Variants in SNX7 observed in about 807,000 individuals in gnomAD.
The protein encoded by SNX7 is sorting nexin 7, also known as sorting nexin-7.
Under a neutral mutation model 48.4 loss-of-function variants are expected in SNX7, and 35 were observed. The ratio of observed to expected loss-of-function variants is 0.72; its 90% CI spans 0.55 to 0.96. SNX7 has a LOEUF of 0.96. Ranked by LOEUF, SNX7 falls within the 40% of genes least tolerant of loss-of-function variation. The probability of loss-of-function intolerance (pLI) is 0.00; values close to 1 mark genes in which losing one functional copy is unlikely to be tolerated. For missense variants in SNX7, 553 were observed against 548.9 expected, an observed-to-expected ratio of 1.01 and a Z score of -0.07; for synonymous variants, 190 against 190.2, an observed-to-expected ratio of 1.00 and a Z score of 0.01.
intron 7 of SNX7, among the ~76,000 whole-genome samples, chr1:98,735,366 T>G (rs547302333): frequency 8.5e-5 from 13 of 152,254 alleles, no homozygotes; most frequent in African/African-American, 3.1e-4. Flanking sequence ...AATACCTAAT[T>G]TTTTTACCTT....
chr1:98,688,944 AC>A (rs1380327564), intron 2 of SNX7, among the ~76,000 whole-genome samples: 1 of 151,982 alleles, frequency 6.6e-6, no homozygotes, highest in Non-Finnish European at 1.5e-5. Flanking sequence ...TCGCTCTGTC[AC>A]CCAGGGTAGA....
At chr1:98,705,089 A>G (rs1157366501) in intron 7 of SNX7, among the ~76,000 whole-genome samples, 1 of 152,182 alleles carries the variant, frequency 6.6e-6, no homozygotes, top group Admixed American at 6.5e-5. Flanking sequence ...ATATACCCAC[A>G]AAAGGTATGT....
rs76841712 is a variant in SNX7 at position 98,671,746 on chromosome 1, T to C, written c.180+9835T>C. Among the ~76,000 whole-genome samples the C allele has an allele frequency of 7.5e-3, 1,140 of 152,286 alleles. 28 individuals carry two copies. Among genetic ancestry groups the C allele is most frequent in the East Asian group, 0.051 (266 of 5,180 alleles). ...CACTCATCTAAATTTTCTGTTTATA[T>C]AAATTTGTCTTTTTAGGTAATTTCA... On this transcript the variant is annotated intron_variant, in intron 1 of 8. Transcript: ENST00000306121.
chr1:98,709,760 G>C (rs1278461080), intron 7 of SNX7, among the ~76,000 whole-genome samples: 1 of 151,982 alleles, frequency 6.6e-6, no homozygotes, highest in African/African-American at 2.4e-5. Context: ...AGACTATTGA[G>C]AGCCCCAATT....
intron 5 of SNX7, 48 bp downstream of exon 5, chr1:98,695,764 T>A (rs1000727963): frequency 7.7e-7 from 1 of 1,303,024 alleles, no homozygotes; most frequent in East Asian, 2.3e-5. Context: ...CAGTTTCTGA[T>A]GAATCTTCAC....
intron 1 of SNX7, among the ~76,000 whole-genome samples, chr1:98,666,792 T>C (rs1208876790): frequency 6.6e-6 from 1 of 152,202 alleles, no homozygotes; most frequent in East Asian, 1.9e-4. Flanking sequence ...TGAAAGGGAA[T>C]GTAGGTTTCG....
At chr1:98,736,344 C>T (rs139865424) in intron 7 of SNX7, among the ~76,000 whole-genome samples, 3 of 152,264 alleles carry the variant, frequency 2.0e-5, no homozygotes, top group African/African-American at 7.2e-5. Context: ...CTGCAAATGG[C>T]AGGATTCCAT....
chr1:98,697,686 C>T (rs1309201908), intron 5 of SNX7, among the ~76,000 whole-genome samples: 1 of 152,070 alleles, frequency 6.6e-6, no homozygotes, highest in African/African-American at 2.4e-5. Context: ...TAATAAGACT[C>T]AGTCCCTGTT....
chr1:98,694,417 G>A (rs970014163), intron 4 of SNX7, among the ~76,000 whole-genome samples: 2 of 151,114 alleles, frequency 1.3e-5, no homozygotes, highest in Admixed American at 6.6e-5. Flanking sequence ...GCCAGTTGGT[G>A]AAGGTGGTGT....
intron 7 of SNX7, among the ~76,000 whole-genome samples, chr1:98,736,676 G>C (rs540919343): frequency 1.3e-5 from 2 of 152,024 alleles, no homozygotes; most frequent in South Asian, 4.1e-4. Context: ...ATCTTACATT[G>C]GTCATGAGAG....
At chr1:98,714,402 C>T (rs1652477950) in intron 7 of SNX7, among the ~76,000 whole-genome samples, 1 of 111,436 alleles carries the variant, frequency 9.0e-6, no homozygotes, top group Non-Finnish European at 2.1e-5. Flanking sequence ...GTTCTTGGCT[C>T]CTTAAGAAGA....
At chr1:98,690,452 A>G (rs962287478) in intron 2 of SNX7, among the ~76,000 whole-genome samples, 4 of 152,090 alleles carry the variant, frequency 2.6e-5, no homozygotes, top group Non-Finnish European at 1.5e-5. Context: ...GTTTAGGCAT[A>G]TAACCCAAAA....
At chr1:98,673,567 C>T (rs1034098784) in intron 1 of SNX7, among the ~76,000 whole-genome samples, 30 of 152,192 alleles carry the variant, frequency 2.0e-4, no homozygotes, top group African/African-American at 7.2e-4. Context: ...AGAGCAGGAA[C>T]TCTACCAGTC....
chr1:98,677,594 T>A (rs891529538), intron 1 of SNX7, among the ~76,000 whole-genome samples: 2 of 152,148 alleles, frequency 1.3e-5, no homozygotes, highest in Non-Finnish European at 2.9e-5. Flanking sequence ...AATAGAGGTA[T>A]ATAGGCCAGG....
chr1:98,668,006 TTCAC>T (rs1012014787), intron 1 of SNX7, among the ~76,000 whole-genome samples: 2 of 152,164 alleles, frequency 1.3e-5, no homozygotes, highest in African/African-American at 4.8e-5. Context: ...TGCAAAAAAT[TTCAC>T]TCTGTGCCAT....
chr1:98,670,511 G>A (rs908089936), intron 1 of SNX7, among the ~76,000 whole-genome samples: 3 of 152,180 alleles, frequency 2.0e-5, no homozygotes, highest in Admixed American at 1.3e-4. Flanking sequence ...TTTGGTCAAT[G>A]ATGGACTGCC....
intron 1 of SNX7, among the ~76,000 whole-genome samples, chr1:98,667,448 T>C (rs959002687): frequency 1.3e-5 from 2 of 152,118 alleles, no homozygotes; most frequent in African/African-American, 4.8e-5. Flanking sequence ...TGATTTTGGC[T>C]CACTGCAACC....
At position 98,732,372 on chromosome 1, in the gene SNX7, G is replaced by C. The variant is rs187177060; in HGVS notation, c.1126-5865G>C. 1.0e-3 allele frequency among the ~76,000 whole-genome samples: 158 copies of C among 152,238 alleles called. 1 individual carries two copies. Among genetic ancestry groups the C allele is most frequent in the Admixed American group, 2.2e-3 (34 of 15,272 alleles). On this transcript the variant is annotated intron_variant, in intron 7 of 8. Coordinates refer to ENST00000306121, the MANE Select transcript of SNX7 (RefSeq NM_015976.5). ...GTATTTATAGGGGAAAAGTGGGCTG[G>C]AGGGGAAATAGGGAGGGTACTGTTA...
chr1:98,692,805 C>A (rs555366281), intron 4 of SNX7, among the ~76,000 whole-genome samples: 5 of 152,262 alleles, frequency 3.3e-5, no homozygotes, highest in African/African-American at 1.2e-4. Flanking sequence ...CTCTCAACTG[C>A]ATATGGTGGC....
Sources: allele counts gnomAD v4.1 joint callset (sites outside exome capture counted in the v4.1 genomes callset), GRCh38; gene constraint gnomAD v4.1.1; transcripts MANE v1.5; gene names NCBI Gene and HGNC (gene_info 2026-07-23, HGNC 2026-07-21).